The following ARHGAP29 variants were observed in gnomAD, a reference collection of about 807,000 sequenced individuals.
ARHGAP29 encodes Rho GTPase activating protein 29.
ARHGAP29 carries 43 observed loss-of-function variants against 122.6 expected under a neutral mutation model. That is an observed-to-expected ratio of 0.35 (90% CI 0.27 to 0.45). ARHGAP29 has a LOEUF of 0.45. ARHGAP29 is among the 20% of genes least tolerant of loss of function. The pLI is 1.00. For synonymous variants in ARHGAP29, 506 were observed against 497.1 expected, an observed-to-expected ratio of 1.02 and a Z score of -0.24; for missense variants, 1,303 against 1,477.2, an observed-to-expected ratio of 0.88 and a Z score of 1.93.
In ARHGAP29 at chr1:94,249,187, G is replaced by T. The variant is rs532160865; in HGVS notation, c.-32-17544C>A. On this transcript the variant is annotated intron_variant and NMD_transcript_variant, in intron 1 of 25. Coordinates refer to the ARHGAP29 transcript ENST00000552844. The stretch of plus-strand genomic sequence containing the variant: ...CCTGAATCATCTTATAAGCCAACTA[G>T]GTTTTTTACCTATAAATGTTTCTTC... Among the ~76,000 whole-genome samples the T allele has an allele frequency of 2.7e-4, 41 of 152,262 alleles. 2 individuals carry two copies. The South Asian group carries it at 8.3e-3, about 31-fold the overall frequency.
chr1:94,262,793 A>G (rs1654614365), intron 1 of ARHGAP29, among the ~76,000 whole-genome samples: 1 of 152,202 alleles, frequency 6.6e-6, no homozygotes. Context: ...ACACTTGTAC[A>G]TTGTTGGTGG....
chr1:94,186,354 TG>T lies in ARHGAP29; in HGVS notation c.1780+144del, dbSNP rs1649800462. On this transcript the variant is annotated intron_variant, in intron 16 of 22. Transcript: ENST00000260526. ...TCAACCCATACTTATATATAATTGT[TG>T]GGATATATTTAAGTCATGGTGAATT... The T allele has an allele frequency of 5.6e-6, 3 of 534,386 alleles. No individual in the cohort carries two copies. The East Asian group carries it at 9.4e-5, about 17-fold the overall frequency. The allele number at this position is 534,386 out of a possible 1,614,324, so 33.1% of individuals were successfully genotyped here. A position where few individuals can be genotyped will look rare whatever the true frequency, so the allele number is the denominator to read the frequency against.
chr1:94,204,160 T>TA (rs1299005002), intron 7 of ARHGAP29, among the ~76,000 whole-genome samples, 166 bp from the exon 8 acceptor site: 12 of 149,878 alleles, frequency 8.0e-5, no homozygotes, highest in Non-Finnish European at 1.5e-4. Flanking sequence ...TTTTTTTTTT[T>TA]AAAAAGAGAC....
At chr1:94,187,426 A>ATATC (rs1315180167) in intron 15 of ARHGAP29, among the ~76,000 whole-genome samples, 1 of 152,224 alleles carries the variant, frequency 6.6e-6, no homozygotes, top group African/African-American at 2.4e-5. Flanking sequence ...AATGACTGAT[A>ATATC]AATCACAAGG....
chr1:94,197,099 G>C (rs12125113), intron 12 of ARHGAP29, among the ~76,000 whole-genome samples: 150 of 151,866 alleles, frequency 9.9e-4, no homozygotes, highest in Middle Eastern at 3.4e-3. Flanking sequence ...AAGATAATAA[G>C]ACTTATAAAC....
In ARHGAP29 at chr1:94,185,369, T is replaced by C. The variant is rs1398579978; in HGVS notation, c.1893A>G (p.Val631=). The C allele has an allele frequency of 2.5e-6, 4 of 1,611,712 alleles. No homozygotes were observed. The highest frequency in any genetic ancestry group is 2.7e-5 in the African/African-American group (2 of 74,862). Residue 631 remains valine, a synonymous_variant, in exon 17 of 23, where the codon GTA becomes GTG. Coordinates refer to ENST00000260526, the MANE Select transcript of ARHGAP29 (RefSeq NM_004815.4). ...CTTCACATTCAACACCTTGGAACAC[T>C]ACAATGCCTTCACAATCCCTACATT... The part of the protein sequence containing the change: ...PTKCRDCEGI[V]VFQGVECEEC...
intron 2 of ARHGAP29, among the ~76,000 whole-genome samples, chr1:94,223,073 A>G (rs1652407569): frequency 6.6e-6 from 1 of 151,832 alleles, no homozygotes; most frequent in Non-Finnish European, 1.5e-5. Flanking sequence ...CCTCCCGAGT[A>G]GTTGGGACTA....
intron 1 of ARHGAP29, among the ~76,000 whole-genome samples, chr1:94,236,541 G>GTAA (rs1192078537): frequency 6.6e-6 from 1 of 152,142 alleles, no homozygotes; most frequent in Non-Finnish European, 1.5e-5. Context: ...CCATTAGCAG[G>GTAA]TAATATCCTG....
chr1:94,314,083 C>A, the ARHGAP29 span, among the ~76,000 whole-genome samples: 1 of 152,148 alleles, frequency 6.6e-6, no homozygotes, highest in Non-Finnish European at 1.5e-5. Context: ...ATGTAATAAA[C>A]CTGCACGTTG....
intron 3 of ARHGAP29, among the ~76,000 whole-genome samples, chr1:94,218,155 ATGGCCTCAAAAG>A (rs1232804992): frequency 1.3e-5 from 2 of 152,322 alleles, no homozygotes; most frequent in East Asian, 3.9e-4. Context: ...ATATTTTTAA[ATGGCCTCAAAAG>A]TGAGAGTTGG....
intron 5 of ARHGAP29, 99 bp from the exon 6 acceptor site, chr1:94,205,782 G>T: frequency 9.9e-7 from 1 of 1,009,256 alleles, no homozygotes; most frequent in Non-Finnish European, 1.5e-6. Context: ...CATAATTCCT[G>T]CTAAAGAATT....
At chr1:94,194,915 A>T (rs1333444988) in intron 12 of ARHGAP29, 1 of 152,222 alleles carries the variant, frequency 6.6e-6, no homozygotes, top group Non-Finnish European at 1.5e-5. Context: ...TCATTGGTCA[A>T]GCGATGTAGT....
In ARHGAP29 at chr1:94,170,533, T is replaced by C. The variant is rs1648663321; in HGVS notation, c.*3336A>G. 6.6e-6 allele frequency among the ~76,000 whole-genome samples: 1 copy of C among 152,188 alleles called. No homozygotes were observed. Among genetic ancestry groups the C allele is most frequent in the South Asian group, 2.1e-4 (1 of 4,822 alleles). On this transcript the variant is annotated 3_prime_UTR_variant, in exon 23 of 23. Transcript: ENST00000260526. ...TACTGAGGCAATCAAAATCAGCAGATTGAATGTGGTCTATGGATTAGATAT... is the reference window on the plus strand; with the variant it reads ...TACTGAGGCAATCAAAATCAGCAGACTGAATGTGGTCTATGGATTAGATAT...
upstream of ARHGAP29, among the ~76,000 whole-genome samples, chr1:94,275,993 C>T (rs1261956547): frequency 1.3e-5 from 2 of 152,060 alleles, no homozygotes; most frequent in African/African-American, 4.8e-5. Flanking sequence ...ATTGGTGGCT[C>T]ATGCCTGTGA....
At chr1:94,204,965 C>T (rs1170633366) in intron 7 of ARHGAP29, 96 bp downstream of exon 7, 7 of 1,164,030 alleles carry the variant, frequency 6.0e-6, no homozygotes, top group Non-Finnish European at 7.0e-6. Context: ...GAAACAGGTA[C>T]TAATTTGGAA....
At chr1:94,199,623 T>C (rs1230213106) in intron 12 of ARHGAP29, among the ~76,000 whole-genome samples, 1 of 152,164 alleles carries the variant, frequency 6.6e-6, no homozygotes, top group Non-Finnish European at 1.5e-5. Context: ...TTCTCTGTCC[T>C]AAATCACCCC....
intron 1 of ARHGAP29, among the ~76,000 whole-genome samples, chr1:94,245,724 G>T (rs570161023): frequency 3.9e-5 from 6 of 152,186 alleles, no homozygotes; most frequent in Non-Finnish European, 7.3e-5. Flanking sequence ...TGCTACCGAA[G>T]ATGCAAAGGT....
rs912210896 is a variant in ARHGAP29, at chr1:94,170,003, A to G, written c.*3866T>C. ...AGAAGGAAGAGCTCTTCCTTACAGT[A>G]GTAGGATGCCAACCAAGGCAGAAGC... is the stretch of plus-strand genomic sequence containing the variant. On this transcript the variant is annotated 3_prime_UTR_variant, in exon 23 of 23. Transcript: ENST00000260526. Among the ~76,000 whole-genome samples, 19 of 152,234 alleles carry G rather than the reference A, an allele frequency of 1.2e-4. No individual in the cohort carries two copies. Among genetic ancestry groups the G allele is most frequent in the African/African-American group, 4.6e-4 (19 of 41,460 alleles).
intron 1 of ARHGAP29, among the ~76,000 whole-genome samples, chr1:94,255,246 A>G (rs1654292293): frequency 6.6e-6 from 1 of 152,216 alleles, no homozygotes; most frequent in South Asian, 2.1e-4. Flanking sequence ...CAACACACAC[A>G]GAGGGAAGAC....
Sources: allele counts gnomAD v4.1 joint callset (sites outside exome capture counted in the v4.1 genomes callset), GRCh38; gene constraint gnomAD v4.1.1; transcripts MANE v1.5; gene names NCBI Gene and HGNC (gene_info 2026-07-23, HGNC 2026-07-21).